RBFOX1: variants seen among roughly 807,000 people sequenced by gnomAD.
The protein encoded by RBFOX1 is RNA binding protein fox-1 homolog 1.
In RBFOX1, 8 loss-of-function variants were observed where a neutral mutation model predicts 57.7. The ratio of observed to expected loss-of-function variants is 0.14; its 90% CI spans 0.08 to 0.25. RBFOX1 has a LOEUF of 0.25. Ranked by LOEUF, RBFOX1 falls within the 10% of genes least tolerant of loss-of-function variation. The probability of loss-of-function intolerance (pLI) is 1.00; values close to 1 mark genes in which losing one functional copy is unlikely to be tolerated. For missense variants in RBFOX1, 611 were observed against 548.5 expected, an observed-to-expected ratio of 1.11 and a Z score of -1.14; for synonymous variants, 326 against 222.4, an observed-to-expected ratio of 1.47 and a Z score of -4.15.
At chr16:6,073,068 G>C (rs541870077) in intron 1 of RBFOX1, among the ~76,000 whole-genome samples, 2 of 152,180 alleles carry the variant, frequency 1.3e-5, no homozygotes, top group South Asian at 2.1e-4. Flanking sequence ...GACTAGTTAT[G>C]ATGAGTCAGA....
intron 2 of RBFOX1, among the ~76,000 whole-genome samples, chr16:6,601,615 C>G (rs1321033943): frequency 6.6e-6 from 1 of 152,152 alleles, no homozygotes; most frequent in East Asian, 1.9e-4. Context: ...TATCCCCAGT[C>G]CAATCCTTGG....
intron 2 of RBFOX1, among the ~76,000 whole-genome samples, chr16:6,453,833 G>T (rs531590404): frequency 6.6e-6 from 1 of 152,316 alleles, no homozygotes; most frequent in South Asian, 2.1e-4. Flanking sequence ...ACCACACAGG[G>T]CCAGAGGCTA....
intron 3 of RBFOX1, among the ~76,000 whole-genome samples, chr16:6,690,757 T>TG (rs1456516557): frequency 3.8e-5 from 1 of 26,260 alleles, no homozygotes; most frequent in Non-Finnish European, 8.4e-5. Context: ...TTTCTTTCTT[T>TG]CTTTTTTTTT....
chr16:6,780,428 A>ATATTTATATATT (rs1555461371), intron 3 of RBFOX1, among the ~76,000 whole-genome samples: 2 of 108,134 alleles, frequency 1.8e-5, no homozygotes, highest in Non-Finnish European at 3.4e-5. Context: ...ATTTATATAT[A>ATATTTATATATT]TTTATAGATA....
chr16:6,210,354 A>C (rs2097286608), intron 1 of RBFOX1, among the ~76,000 whole-genome samples: 2 of 92,660 alleles, frequency 2.2e-5, no homozygotes, highest in Admixed American at 1.3e-4. Flanking sequence ...ACAAAAAAAA[A>C]AAACACCAAA....
chr16:6,201,169 G>A (rs2097212680), intron 1 of RBFOX1, among the ~76,000 whole-genome samples: 2 of 152,094 alleles, frequency 1.3e-5, no homozygotes, highest in Admixed American at 1.3e-4. Context: ...ATATTCCATT[G>A]TATCTATGGT....
At chr16:7,505,013 T>G (rs201656734) in intron 4 of RBFOX1, among the ~76,000 whole-genome samples, 6 of 150,516 alleles carry the variant, frequency 4.0e-5, no homozygotes, top group Admixed American at 2.0e-4. Flanking sequence ...TGGGGAAACT[T>G]TTTTCAGTAA....
At chr16:7,211,748 A>G (rs758071963) in intron 4 of RBFOX1, among the ~76,000 whole-genome samples, 4 of 152,132 alleles carry the variant, frequency 2.6e-5, no homozygotes, top group Non-Finnish European at 5.9e-5. Flanking sequence ...ATTCGCCTGA[A>G]CTAGGAGGAC....
intron 2 of RBFOX1, among the ~76,000 whole-genome samples, chr16:6,365,362 G>A (rs1042387940): frequency 2.0e-5 from 3 of 151,220 alleles, no homozygotes; most frequent in East Asian, 3.9e-4. Flanking sequence ...ATGGATAGAC[G>A]GATGAGTGGA....
At chr16:5,613,358 A>G (rs4786047) in intron 3 of RBFOX1, among the ~76,000 whole-genome samples, 92,049 of 151,962 alleles carry the variant, frequency 0.61, 31,318 homozygotes, top group East Asian at 0.78. Context: ...GAGGGAGGGT[A>G]AGTAGACATA....
At chr16:6,505,248 A>G (rs191515560) in intron 2 of RBFOX1, among the ~76,000 whole-genome samples, 10 of 152,294 alleles carry the variant, frequency 6.6e-5, no homozygotes, top group African/African-American at 2.4e-4. Context: ...CACTTTCAGT[A>G]TGTCACAGTC....
intron 3 of RBFOX1, among the ~76,000 whole-genome samples, chr16:6,722,817 A>T (rs1484599559): frequency 6.6e-6 from 1 of 152,198 alleles, no homozygotes; most frequent in Non-Finnish European, 1.5e-5. Context: ...CCAGATGGGT[A>T]CATTGGCTGC....
chr16:7,468,834 A>C (rs1433591696), intron 4 of RBFOX1, among the ~76,000 whole-genome samples: 1 of 152,122 alleles, frequency 6.6e-6, no homozygotes, highest in Non-Finnish European at 1.5e-5. Context: ...CTGATGGCTG[A>C]CCAAGAGTCA....
chr16:7,519,367 A>T (rs975318709), intron 5 of RBFOX1, among the ~76,000 whole-genome samples: 1 of 152,150 alleles, frequency 6.6e-6, no homozygotes, highest in Non-Finnish European at 1.5e-5. Flanking sequence ...AATTTTGATG[A>T]ATAAGGGAAC....
chr16:7,416,550 C>A (rs1183449730), intron 4 of RBFOX1, among the ~76,000 whole-genome samples: 1 of 152,056 alleles, frequency 6.6e-6, no homozygotes, highest in African/African-American at 2.4e-5. Context: ...AAGATCGGGG[C>A]TAATGTAAAA....
intron 4 of RBFOX1, among the ~76,000 whole-genome samples, chr16:7,326,165 A>G (rs541100606): frequency 1.2e-4 from 19 of 152,336 alleles, no homozygotes; most frequent in Non-Finnish European, 1.9e-4. Flanking sequence ...CTCTGTGCCC[A>G]GTCCTGGGTG....
At chr16:6,819,705 C>CAAA (rs1181614275) in intron 3 of RBFOX1, among the ~76,000 whole-genome samples, 317 of 20,610 alleles carry the variant, frequency 0.015, 44 homozygotes, top group Middle Eastern at 0.056. Context: ...AACTCTGACT[C>CAAA]AAAAAAAAAA....
intron 1 of RBFOX1, among the ~76,000 whole-genome samples, chr16:6,298,939 C>A (rs2078461233): frequency 6.6e-6 from 1 of 152,086 alleles, no homozygotes; most frequent in Admixed American, 6.6e-5. Context: ...AGAGGGGAGC[C>A]TTGGTAGGCA....
intron 2 of RBFOX1, among the ~76,000 whole-genome samples, chr16:6,385,918 A>G (rs370693966): frequency 3.2e-4 from 47 of 147,610 alleles, no homozygotes; most frequent in African/African-American, 1.1e-3. Flanking sequence ...TCCATTAAGA[A>G]CTCATTTCTT....
Sources: allele counts gnomAD v4.1 joint callset (sites outside exome capture counted in the v4.1 genomes callset), GRCh38; gene constraint gnomAD v4.1.1; transcripts MANE v1.5; gene names NCBI Gene and HGNC (gene_info 2026-07-23, HGNC 2026-07-21).